Variants in BCKDHB observed in about 807,000 individuals in gnomAD.
BCKDHB encodes the protein branched chain keto acid dehydrogenase E1 subunit beta.
Under a neutral mutation model 48.5 loss-of-function variants are expected in BCKDHB, and 41 were observed. The observed-to-expected ratio is 0.85, with a 90% CI of 0.66 to 1.10. The LOEUF (loss-of-function observed/expected upper bound fraction) is 1.10, where lower values mean the gene tolerates loss of function less well. BCKDHB is among the 50% of genes least tolerant of loss of function. BCKDHB has a pLI of 0.00. For missense variants in BCKDHB, 496 were observed against 494.2 expected, an observed-to-expected ratio of 1.00 and a Z score of -0.03; for synonymous variants, 201 against 174.8, an observed-to-expected ratio of 1.15 and a Z score of -1.18.
intron 8 of BCKDHB, among the ~76,000 whole-genome samples, chr6:80,232,692 ATATT>A (rs1419591404): frequency 6.8e-6 from 1 of 146,258 alleles, no homozygotes; most frequent in Non-Finnish European, 1.5e-5. Context: ...ATAAATGTAA[ATATT>A]TAATATATTT....
At chr6:80,398,985 A>G in the BCKDHB span, among the ~76,000 whole-genome samples, 1 of 152,278 alleles carries the variant, frequency 6.6e-6, no homozygotes, top group South Asian at 2.1e-4. Context: ...TTCATCACAT[A>G]AACAGAACTA....
the BCKDHB span, among the ~76,000 whole-genome samples, chr6:80,396,830 A>G: frequency 6.6e-6 from 1 of 152,194 alleles, no homozygotes; most frequent in Non-Finnish European, 1.5e-5. Context: ...CTTCCAAGCC[A>G]TGTGGAACTG....
the BCKDHB span, among the ~76,000 whole-genome samples, chr6:80,409,562 C>T: frequency 7.3e-5 from 7 of 95,982 alleles, no homozygotes; most frequent in East Asian, 3.4e-4. Flanking sequence ...TCTGGGTGCT[C>T]TTGTATTGGT....
chr6:80,443,504 G>A, the BCKDHB span: 3 of 152,088 alleles, frequency 2.0e-5, no homozygotes, highest in Admixed American at 6.6e-5. Flanking sequence ...AGTGAAAAGC[G>A]GGAAGAGCTT....
the BCKDHB span, among the ~76,000 whole-genome samples, chr6:80,450,491 G>C: frequency 6.6e-6 from 1 of 152,036 alleles, no homozygotes; most frequent in African/African-American, 2.4e-5. Context: ...CAGAGGAAGG[G>C]GATAGGAATT....
intron 3 of BCKDHB, among the ~76,000 whole-genome samples, chr6:80,138,012 T>A (rs1382696318): frequency 6.6e-6 from 1 of 151,590 alleles, no homozygotes; most frequent in East Asian, 1.9e-4. Context: ...AGCCCAGGAG[T>A]TTGAGGCTGC....
intron 9 of BCKDHB, among the ~76,000 whole-genome samples, chr6:80,299,750 G>T (rs977528010): frequency 2.2e-4 from 33 of 152,212 alleles, no homozygotes; most frequent in African/African-American, 7.7e-4. Context: ...CTGCTACAAC[G>T]AAAACATATA....
intron 9 of BCKDHB, among the ~76,000 whole-genome samples, chr6:80,319,959 A>G (rs1213539053): frequency 4.6e-5 from 7 of 152,202 alleles, no homozygotes; most frequent in Admixed American, 1.3e-4. Context: ...TATAAATGTT[A>G]CCTAATGTAA....
At chr6:80,464,145 TG>T in the BCKDHB span, among the ~76,000 whole-genome samples, 1 of 152,138 alleles carries the variant, frequency 6.6e-6, no homozygotes, top group Non-Finnish European at 1.5e-5. Flanking sequence ...ATTATTCTTT[TG>T]AAGTGGAGTC....
intron 9 of BCKDHB, among the ~76,000 whole-genome samples, chr6:80,327,936 T>C (rs1769120589): frequency 7.5e-6 from 1 of 133,158 alleles, no homozygotes; most frequent in African/African-American, 2.8e-5. Flanking sequence ...CTCCCTCCCT[T>C]CCTTCCTTCC....
chr6:80,290,898 A>C (rs1766875684), intron 9 of BCKDHB, among the ~76,000 whole-genome samples: 1 of 152,192 alleles, frequency 6.6e-6, no homozygotes, highest in African/African-American at 2.4e-5. Context: ...CATAGGGGTA[A>C]CTTGTTGACA....
At chr6:80,179,164 A>G (rs1162177292) in intron 6 of BCKDHB, among the ~76,000 whole-genome samples, 3 of 152,120 alleles carry the variant, frequency 2.0e-5, no homozygotes, top group African/African-American at 7.2e-5. Context: ...CTGGGACCAC[A>G]GGCATGTGCC....
chr6:80,425,189 A>G, the BCKDHB span, among the ~76,000 whole-genome samples: 1 of 152,206 alleles, frequency 6.6e-6, no homozygotes, highest in African/African-American at 2.4e-5. Context: ...GGGGATAATG[A>G]CTAAGCCCTG....
intron 9 of BCKDHB, among the ~76,000 whole-genome samples, chr6:80,296,202 T>C (rs1767235912): frequency 6.6e-6 from 1 of 152,146 alleles, no homozygotes; most frequent in South Asian, 2.1e-4. Flanking sequence ...AAACCTGCAT[T>C]TAAGTGCACC....
the BCKDHB span, among the ~76,000 whole-genome samples, chr6:80,370,814 A>ATG: frequency 1.5e-4 from 22 of 147,848 alleles, no homozygotes; most frequent in Middle Eastern, 3.4e-3. Flanking sequence ...GTGTGTATAT[A>ATG]TATATGTGTG....
chr6:80,182,524 T>C (rs1183119002), intron 6 of BCKDHB, among the ~76,000 whole-genome samples: 2 of 152,198 alleles, frequency 1.3e-5, no homozygotes, highest in African/African-American at 4.8e-5. Context: ...TTTAATACCA[T>C]GAGTCATGTG....
intron 1 of BCKDHB, among the ~76,000 whole-genome samples, chr6:80,113,203 A>G (rs534583471): frequency 1.3e-5 from 2 of 152,344 alleles, no homozygotes; most frequent in Admixed American, 6.5e-5. Flanking sequence ...GCCAACTGCA[A>G]CACACGTAAG....
At chr6:80,260,142 A>G (rs1777233390) in intron 8 of BCKDHB, among the ~76,000 whole-genome samples, 1 of 152,056 alleles carries the variant, frequency 6.6e-6, no homozygotes, top group African/African-American at 2.4e-5. Context: ...TCTCACCGCT[A>G]GTTGCCTGGC....
At chr6:80,106,962 A>AGGGGCC in intron 1 of BCKDHB, 73 bp downstream of exon 1, 1 of 1,525,886 alleles carries the variant, frequency 6.6e-7, no homozygotes, top group South Asian at 1.2e-5. Context: ...CGCGAGGGGC[A>AGGGGCC]GGGGCCGGCA....
Sources: gnomAD v4.1 joint callset for allele counts (sites outside exome capture counted in the v4.1 genomes callset) on GRCh38, gnomAD v4.1.1 for gene constraint, MANE v1.5 for transcripts, NCBI Gene and HGNC (gene_info 2026-07-23, HGNC 2026-07-21) for gene names.